The following GMDS variants were observed in gnomAD, a reference collection of about 807,000 sequenced individuals.
The protein encoded by GMDS is GDP-mannose 4,6 dehydratase.
A neutral mutation model predicts 49.9 loss-of-function variants in GMDS; 20 were observed. That is an observed-to-expected ratio of 0.40 (90% CI 0.28 to 0.58). The LOEUF is 0.58. Among genes scored for constraint, GMDS ranks in the 20% least tolerant of loss-of-function variants. The pLI is 0.42. For missense variants in GMDS, 362 were observed against 481.4 expected, an observed-to-expected ratio of 0.75 and a Z score of 2.32; for synonymous variants, 177 against 178.6, an observed-to-expected ratio of 0.99 and a Z score of 0.07.
intron 4 of GMDS, among the ~76,000 whole-genome samples, chr6:2,039,647 T>C (rs566873043): frequency 6.6e-6 from 1 of 152,040 alleles, no homozygotes; most frequent in Non-Finnish European, 1.5e-5. Context: ...TAGGCTTACA[T>C]AGGGTCAGGA....
chr6:2,211,702 C>T (rs575501656), intron 1 of GMDS, among the ~76,000 whole-genome samples: 83 of 152,182 alleles, frequency 5.5e-4, no homozygotes, highest in African/African-American at 1.9e-3. Context: ...GGAAAAAATA[C>T]GTATTTCATG....
chr6:2,138,762 C>T (rs1026135306), intron 1 of GMDS, among the ~76,000 whole-genome samples: 13 of 152,172 alleles, frequency 8.5e-5, no homozygotes, highest in Non-Finnish European at 1.8e-4. Flanking sequence ...CAATTACTTC[C>T]ATCAATTCTT....
chr6:1,675,366 A>C (rs1764584148), intron 9 of GMDS, among the ~76,000 whole-genome samples: 1 of 150,246 alleles, frequency 6.7e-6, no homozygotes, highest in African/African-American at 2.5e-5. Flanking sequence ...TATATAGACC[A>C]TTATGTCACT....
intron 7 of GMDS, among the ~76,000 whole-genome samples, chr6:1,849,846 CT>C (rs1366368030): frequency 2.0e-5 from 3 of 152,172 alleles, no homozygotes; most frequent in Non-Finnish European, 4.4e-5. Flanking sequence ...TTTGCAATCC[CT>C]TCTATCTAAC....
intron 7 of GMDS, among the ~76,000 whole-genome samples, chr6:1,837,093 C>A (rs534484214): frequency 6.6e-6 from 1 of 152,304 alleles, no homozygotes; most frequent in African/African-American, 2.4e-5. Context: ...CACTGTAAGT[C>A]TTTAAAAATA....
chr6:1,647,678 G>A (rs1763528048), intron 9 of GMDS, among the ~76,000 whole-genome samples: 1 of 152,198 alleles, frequency 6.6e-6, no homozygotes. Flanking sequence ...AAGGAAAGTA[G>A]GAAAGGGTGT....
intron 4 of GMDS, among the ~76,000 whole-genome samples, chr6:2,027,826 T>G (rs1168174441): frequency 6.6e-6 from 1 of 152,200 alleles, no homozygotes; most frequent in African/African-American, 2.4e-5. Flanking sequence ...CTGCAAAATT[T>G]GAACATGTAC....
At chr6:1,773,327 T>TAGA (rs1768661328) in intron 7 of GMDS, among the ~76,000 whole-genome samples, 1 of 152,196 alleles carries the variant, frequency 6.6e-6, no homozygotes, top group African/African-American at 2.4e-5. Context: ...AATAATTCTC[T>TAGA]AAATACAACT....
intron 9 of GMDS, among the ~76,000 whole-genome samples, chr6:1,716,112 T>C (rs1766167303): frequency 6.6e-6 from 1 of 152,098 alleles, no homozygotes; most frequent in Non-Finnish European, 1.5e-5. Context: ...CCCTGGAAAA[T>C]AGGGAAACAT....
intron 7 of GMDS, among the ~76,000 whole-genome samples, chr6:1,748,520 T>C (rs922047247): frequency 2.6e-4 from 40 of 152,258 alleles, no homozygotes; most frequent in African/African-American, 8.2e-4. Flanking sequence ...AGGGTTTTTT[T>C]CTCTTCCATA....
chr6:1,801,726 CTA>C lies in GMDS; in HGVS notation c.772-59142_772-59141del, dbSNP rs887443051. 3.9e-5 allele frequency among the ~76,000 whole-genome samples: 6 copies of C among 152,364 alleles called. No homozygotes were observed. In the East Asian group the frequency reaches 9.6e-4, roughly 24 times the overall value. ...GCACAAGCCCCACATTTTTCCAAGA[CTA>C]TGTTTTCCGCACACAGAGGGCCATA... On this transcript the variant is annotated intron_variant, in intron 7 of 10. Transcript: ENST00000380815.
intron 7 of GMDS, among the ~76,000 whole-genome samples, chr6:1,915,987 C>G (rs1761367584): frequency 6.6e-6 from 1 of 152,218 alleles, no homozygotes; most frequent in South Asian, 2.1e-4. Context: ...GGTGGCAACA[C>G]CTTCACCATT....
At chr6:1,914,143 T>TTG (rs1554132892) in intron 7 of GMDS, among the ~76,000 whole-genome samples, 5 of 147,230 alleles carry the variant, frequency 3.4e-5, no homozygotes, top group East Asian at 2.0e-4. Flanking sequence ...TTTTTTTTTT[T>TTG]TTTTTTTTTT....
chr6:2,038,845 C>T (rs1235424810), intron 4 of GMDS, among the ~76,000 whole-genome samples: 2 of 152,178 alleles, frequency 1.3e-5, no homozygotes, highest in African/African-American at 2.4e-5. Flanking sequence ...GCAGGGGCAA[C>T]GTGAAGGCAC....
At chr6:2,008,951 A>T (rs1009923480) in intron 4 of GMDS, among the ~76,000 whole-genome samples, 3 of 152,240 alleles carry the variant, frequency 2.0e-5, no homozygotes, top group African/African-American at 7.2e-5. Flanking sequence ...CTAGATTGGT[A>T]ACTGAGTTTA....
Position 1,628,337 on chromosome 6 carries a change from G to A in GMDS, c.988-3797C>T, listed in dbSNP as rs751324842. 8.5e-5 allele frequency among the ~76,000 whole-genome samples: 13 copies of A among 152,164 alleles called. No individual in the cohort carries two copies. In the East Asian group the frequency reaches 1.2e-3, roughly 14 times the overall value. On this transcript the variant is annotated intron_variant, in intron 9 of 10. Coordinates refer to ENST00000380815, the MANE Select transcript of GMDS (RefSeq NM_001500.4). ...AGATCTCTCCCATCTAGATAACAAC[G>A]CAGCTTTAAAATCACACTGGTTAGT...
At chr6:1,785,634 A>G (rs936972555) in intron 7 of GMDS, among the ~76,000 whole-genome samples, 2 of 152,158 alleles carry the variant, frequency 1.3e-5, no homozygotes, top group African/African-American at 4.8e-5. Context: ...GCCTGCCACG[A>G]CCTGCCTCAG....
At chr6:2,058,903 G>A (rs1770939341) in intron 4 of GMDS, among the ~76,000 whole-genome samples, 1 of 152,084 alleles carries the variant, frequency 6.6e-6, no homozygotes, top group Admixed American at 6.6e-5. Flanking sequence ...CATGTCATCA[G>A]GCCGGGTGGC....
intron 9 of GMDS, among the ~76,000 whole-genome samples, chr6:1,698,370 G>C (rs1306805532): frequency 6.6e-6 from 1 of 152,138 alleles, no homozygotes; most frequent in Admixed American, 6.6e-5. Context: ...TGGTTTCCCT[G>C]AACTGTCCTC....
Sources: gnomAD v4.1 joint callset for allele counts (sites outside exome capture counted in the v4.1 genomes callset) on GRCh38, gnomAD v4.1.1 for gene constraint, MANE v1.5 for transcripts, NCBI Gene and HGNC (gene_info 2026-07-23, HGNC 2026-07-21) for gene names.